The following SMIM27 variants were observed in gnomAD, a reference collection of about 807,000 sequenced individuals.
SMIM27 encodes transition zone microprotein 1, also known as TOPORS antisense RNA 1 (non-protein coding).
A neutral mutation model predicts 1.8 loss-of-function variants in SMIM27; 3 were observed. That is an observed-to-expected ratio of 1.65 (90% CI 0.75 to 4.28). The LOEUF is 4.28. Among genes scored for constraint, SMIM27 ranks in the 30% most tolerant of loss-of-function variants. The pLI is 0.02. For missense variants in SMIM27, 63 were observed against 37.0 expected (o/e 1.70, Z -1.83); for synonymous variants, 19 against 13.9 (o/e 1.37, Z -0.82).
intron 1 of SMIM27, among the ~76,000 whole-genome samples, chr9:32,560,413 T>C (rs1451136728): frequency 6.6e-6 from 1 of 152,198 alleles, no homozygotes; most frequent in Non-Finnish European, 1.5e-5. Context: ...AAAAATGTAG[T>C]TAAATTTAGA....
intron 1 of SMIM27, among the ~76,000 whole-genome samples, chr9:32,563,449 G>A (rs1016821305): frequency 3.4e-5 from 5 of 147,216 alleles, no homozygotes; most frequent in Non-Finnish European, 7.4e-5. Flanking sequence ...GGGCTCAAGC[G>A]ATCCTCCTGC....
At chr9:32,555,908 C>T (rs1235799081), downstream of SMIM27, among the ~76,000 whole-genome samples, 1 of 152,222 alleles carries the variant, frequency 6.6e-6, no homozygotes, top group Non-Finnish European at 1.5e-5. Context: ...AGTGAGATTT[C>T]AGGATTGCCA....
Position 32,552,365 on chromosome 9 carries a change from AC to A in SMIM27, c.-68del. ...AGATGGCTGCTGGCGCCTGGCAGCC[AC>A]CGCCTGGGAGGTTACTGTAAGGCCC... On this transcript the variant is annotated 5_prime_UTR_variant, in exon 1 of 2. An upstream open reading frame in the 5' UTR loses its in-frame stop. Transcript: ENST00000692500. 2.5e-6 allele frequency: 4 copies of A among 1,588,268 alleles called. No individual in the cohort carries two copies. Among genetic ancestry groups the A allele is most frequent in the South Asian group, 1.1e-5 (1 of 87,984 alleles).
At chr9:32,552,235 C>T (rs1269575950), upstream of SMIM27, 4 of 675,978 alleles carry the variant, frequency 5.9e-6, no homozygotes, top group Admixed American at 5.7e-5. Context: ...CTCTAAAAGG[C>T]GGGCAAGGCC....
chr9:32,552,326 C>T (rs1485566170), upstream of SMIM27: 5 of 1,499,280 alleles, frequency 3.3e-6, no homozygotes, highest in Non-Finnish European at 3.6e-6. Context: ...GGCGGGCGCT[C>T]GTGCCCGGCT....
downstream of SMIM27, chr9:32,553,053 CAAATTT>C (rs762318463): frequency 1.9e-6 from 1 of 527,154 alleles, no homozygotes; most frequent in Non-Finnish European, 3.4e-6. Flanking sequence ...CACTAGTATG[CAAATTT>C]TTCACTTAGA....
chr9:32,564,668 C>T (rs1563995532), intron 1 of SMIM27, among the ~76,000 whole-genome samples: 1 of 152,154 alleles, frequency 6.6e-6, no homozygotes. Context: ...TCAGCGTTTC[C>T]TTCCAGATTG....
chr9:32,561,636 T>G (rs984929657), intron 1 of SMIM27, among the ~76,000 whole-genome samples: 1 of 152,172 alleles, frequency 6.6e-6, no homozygotes, highest in African/African-American at 2.4e-5. Flanking sequence ...GTCTAAAATA[T>G]TCACTTCTAT....
At chr9:32,551,378 C>T (rs1821254652), upstream of SMIM27, 1 of 338,206 alleles carries the variant, frequency 3.0e-6, no homozygotes, top group Admixed American at 4.1e-5. Context: ...CTGTTGTACG[C>T]CTCCCGGAAG....
At chr9:32,552,174 C>CA (rs35415231), upstream of SMIM27, 10,053 of 494,480 alleles carry the variant, frequency 0.02, 221 homozygotes, top group African/African-American at 0.11. Context: ...CCTTAGTTGG[C>CA]AAAAAAAAAA....
chr9:32,564,073 AAGG>A (rs1821707071), intron 1 of SMIM27, among the ~76,000 whole-genome samples: 1 of 152,240 alleles, frequency 6.6e-6, no homozygotes, highest in Non-Finnish European at 1.5e-5. Context: ...GCTAATTACT[AAGG>A]AGTGGCAATG....
chr9:32,553,897 TTC>T, downstream of SMIM27: 1 of 1,597,130 alleles, frequency 6.3e-7, no homozygotes, highest in Non-Finnish European at 8.6e-7. Context: ...GATCAGGAAA[TTC>T]TTTCATTGGT....
At chr9:32,553,236 C>T (rs1383029258), downstream of SMIM27, 1 of 215,440 alleles carries the variant, frequency 4.6e-6, no homozygotes, top group Admixed American at 5.4e-5. Context: ...GCTCTGTCGC[C>T]CAGGCTCAGT....
chr9:32,552,361 A>G lies in SMIM27; in HGVS notation c.-74A>G. 6.3e-7 allele frequency: 1 copy of G among 1,583,374 alleles called. No homozygotes were observed. ...TAAAAGATGGCTGCTGGCGCCTGGC[A>G]GCCACCGCCTGGGAGGTTACTGTAA... On this transcript the variant is annotated 5_prime_UTR_variant, in exon 1 of 2. Transcript: ENST00000692500.
At chr9:32,552,237 G>C (rs1388867327), upstream of SMIM27, 7 of 699,306 alleles carry the variant, frequency 1.0e-5, no homozygotes, top group African/African-American at 1.8e-5. Flanking sequence ...CTAAAAGGCG[G>C]GCAAGGCCCC....
chr9:32,564,409 C>G (rs1346595666), intron 1 of SMIM27, among the ~76,000 whole-genome samples: 1 of 152,058 alleles, frequency 6.6e-6, no homozygotes, highest in African/African-American at 2.4e-5. Flanking sequence ...GTTTTAGCAA[C>G]CCCGAGACAA....
At chr9:32,562,093 T>C (rs1821642402) in intron 1 of SMIM27, among the ~76,000 whole-genome samples, 1 of 152,214 alleles carries the variant, frequency 6.6e-6, no homozygotes, top group African/African-American at 2.4e-5. Context: ...CAACAGACCT[T>C]CCATTCTAGT....
chr9:32,552,533 C>T (rs1438425118), intron 1 of SMIM27, 54 bp downstream of exon 1: 2 of 1,499,198 alleles, frequency 1.3e-6, no homozygotes, highest in African/African-American at 2.8e-5. Context: ...GGCCCGCAGG[C>T]GGAAAGGCCC....
chr9:32,553,851 A>G, downstream of SMIM27: 6 of 1,469,144 alleles, frequency 4.1e-6, no homozygotes, highest in Non-Finnish European at 5.7e-6. Flanking sequence ...TAGGCTCATA[A>G]GCCTTTTAAC....
Sources: allele counts gnomAD v4.1 joint callset (sites outside exome capture counted in the v4.1 genomes callset), GRCh38; gene constraint gnomAD v4.1.1; transcripts MANE v1.5; gene names NCBI Gene and HGNC (gene_info 2026-07-23, HGNC 2026-07-21).